The following DCP2 variants were observed in gnomAD, a reference collection of about 807,000 sequenced individuals.
The protein encoded by DCP2 is decapping mRNA 2, also known as m7GpppN-mRNA hydrolase.
In DCP2, 30 loss-of-function variants were observed where a neutral mutation model predicts 56.1. The ratio of observed to expected loss-of-function variants is 0.53; its 90% CI spans 0.40 to 0.73. The LOEUF is 0.73. DCP2 is among the 30% of genes least tolerant of loss of function. The pLI is 0.00. For missense variants in DCP2, 533 were observed against 502.7 expected, an observed-to-expected ratio of 1.06 and a Z score of -0.58; for synonymous variants, 197 against 163.3, an observed-to-expected ratio of 1.21 and a Z score of -1.57.
intron 2 of DCP2, among the ~76,000 whole-genome samples, chr5:112,991,456 A>G (rs188173032): frequency 6.6e-6 from 1 of 152,292 alleles, no homozygotes; most frequent in Admixed American, 6.5e-5. Flanking sequence ...AGGCATGCCT[A>G]GTTTCTTTGA....
chr5:113,007,031 G>T (rs1345541430), intron 8 of DCP2, among the ~76,000 whole-genome samples: 1 of 152,022 alleles, frequency 6.6e-6, no homozygotes, highest in African/African-American at 2.4e-5. Flanking sequence ...CTAGCTGCTT[G>T]GGAGGCTGAG....
At chr5:112,997,588 G>A (rs1224386819) in intron 4 of DCP2, among the ~76,000 whole-genome samples, 1 of 151,678 alleles carries the variant, frequency 6.6e-6, no homozygotes, top group Non-Finnish European at 1.5e-5. Flanking sequence ...CTGCTCTTTG[G>A]GTTACACTTT....
chr5:112,994,389 C>G (rs983689931), intron 4 of DCP2, among the ~76,000 whole-genome samples: 2 of 151,182 alleles, frequency 1.3e-5, no homozygotes, highest in Non-Finnish European at 2.9e-5. Context: ...CCGGGCTGGT[C>G]TTGAACTTCT....
intron 1 of DCP2, among the ~76,000 whole-genome samples, chr5:112,983,091 A>G (rs1748085903): frequency 6.6e-6 from 1 of 152,234 alleles, no homozygotes; most frequent in African/African-American, 2.4e-5. Context: ...ATGCCATCAC[A>G]CAGACTGCCA....
At chr5:113,009,054 C>T (rs1749567403) in intron 9 of DCP2, among the ~76,000 whole-genome samples, 1 of 152,174 alleles carries the variant, frequency 6.6e-6, no homozygotes, top group East Asian at 1.9e-4. Flanking sequence ...ACCATGTTGG[C>T]CAGGATGGTC....
intron 2 of DCP2, among the ~76,000 whole-genome samples, chr5:112,986,611 T>C (rs1311414697): frequency 6.6e-6 from 1 of 152,112 alleles, no homozygotes; most frequent in Non-Finnish European, 1.5e-5. Context: ...GTGCTGGGAT[T>C]AGAGGTGTGA....
rs1457620045 is a variant in DCP2, at chr5:113,007,984, C to T, written c.989C>T (p.Pro330Leu). Reference protein sequence around the residue: ...GNGRKQYQDSPNQKKRTNGLQ... With the variant: ...GNGRKQYQDSLNQKKRTNGLQ... ...GGCAGAAAACAGTATCAAGATTCAC[C>T]TAATCAAAAGAAAAGAACAAATGGG... Residue 330 changes from proline to leucine, a missense_variant, in exon 9 of 11, where the codon CCT becomes CTT. Around this residue, in one of 3 missense-constraint regions of DCP2, gnomAD observed 392 missense variants for 346.6 expected, o/e 1.13. Coordinates refer to ENST00000389063, the MANE Select transcript of DCP2 (RefSeq NM_152624.6). The T allele has an allele frequency of 8.1e-6, 13 of 1,613,686 alleles. No individual in the cohort carries two copies. The highest frequency in any genetic ancestry group is 1.1e-5 in the Non-Finnish European group (13 of 1,179,824).
Position 113,012,750 on chromosome 5 carries a change from T to A in DCP2, c.1100-571T>A, listed in dbSNP as rs144257376. 4.1e-3 allele frequency among the ~76,000 whole-genome samples: 621 copies of A among 152,318 alleles called. 4 individuals are homozygous for A. Among genetic ancestry groups the A allele is most frequent in the African/African-American group, 0.014 (588 of 41,576 alleles). On this transcript the variant is annotated intron_variant, in intron 10 of 10. Coordinates refer to ENST00000389063, the MANE Select transcript of DCP2 (RefSeq NM_152624.6). ...CCTCCGCCTCCTGGGTACAAGTCAT[T>A]CTCCTGCCTCAGCCTTCTGAGTAGC...
chr5:112,978,334 G>T (rs751612054), intron 1 of DCP2, among the ~76,000 whole-genome samples: 4 of 152,150 alleles, frequency 2.6e-5, no homozygotes, highest in African/African-American at 9.7e-5. Flanking sequence ...TTAATCCTCA[G>T]TCAGCCGTGT....
chr5:113,003,348 C>G (rs1013915163), intron 7 of DCP2, among the ~76,000 whole-genome samples: 2 of 152,162 alleles, frequency 1.3e-5, no homozygotes, highest in Non-Finnish European at 2.9e-5. Context: ...TAATTTTATA[C>G]TTTAGAGGGT....
intron 10 of DCP2, among the ~76,000 whole-genome samples, chr5:113,012,268 A>G (rs1368434194): frequency 6.6e-6 from 1 of 152,170 alleles, no homozygotes; most frequent in East Asian, 1.9e-4. Context: ...GCTGAGGCAA[A>G]AAGGTCACTT....
rs979854801 is a variant in DCP2 at position 113,020,911 on chromosome 5, ATTGT to A, written c.*7432_*7435del. On this transcript the variant is annotated 3_prime_UTR_variant, in exon 11 of 11. Transcript: ENST00000389063. The stretch of plus-strand genomic sequence containing the variant: ...TTCTGTAAAAACATCATTGTGTTAG[ATTGT>A]TTGTAATGTACTATCAATAAAATTG... The A allele has an allele frequency of 3.3e-5, 5 of 152,298 alleles. No homozygotes were observed. The highest frequency in any genetic ancestry group is 1.9e-4 in the East Asian group (1 of 5,186). The allele number at this position is 152,298 out of a possible 1,614,324, so 9.4% of individuals were successfully genotyped here.
intron 8 of DCP2, among the ~76,000 whole-genome samples, chr5:113,007,431 C>T (rs1231726704): frequency 6.7e-6 from 1 of 148,798 alleles, no homozygotes; most frequent in African/African-American, 2.5e-5. Context: ...GAGATAGTCT[C>T]CCTCTGTTGC....
intron 4 of DCP2, among the ~76,000 whole-genome samples, chr5:113,000,864 C>G (rs530156475): frequency 1.2e-4 from 18 of 152,326 alleles, no homozygotes; most frequent in African/African-American, 4.1e-4. Context: ...TGGACTGGTT[C>G]TCTATATACC....
In DCP2 at chr5:113,017,541, G is replaced by C. The variant is rs1346380695; in HGVS notation, c.*4057G>C. ...TTCCTAGAATTGAGTTGCTCTTGAA[G>C]TCTGTACTCCTGTGTCAGAAAGATG... is the stretch of plus-strand genomic sequence containing the variant. On this transcript the variant is annotated 3_prime_UTR_variant, in exon 11 of 11. Coordinates refer to ENST00000389063, the MANE Select transcript of DCP2 (RefSeq NM_152624.6). The C allele has an allele frequency of 6.6e-6, 1 of 152,158 alleles. No individual in the cohort carries two copies. Among genetic ancestry groups the C allele is most frequent in the Non-Finnish European group, 1.5e-5 (1 of 68,040 alleles). The allele number at this position is 152,158 out of a possible 1,614,324, so 9.4% of individuals were successfully genotyped here. A position where few individuals can be genotyped will look rare whatever the true frequency, so the allele number is the denominator to read the frequency against.
At chr5:113,013,246 A>G in intron 10 of DCP2, 75 bp from the exon 11 acceptor site, 1 of 1,469,708 alleles carries the variant, frequency 6.8e-7, no homozygotes, top group Non-Finnish European at 9.2e-7. Flanking sequence ...TTGTTTTGTA[A>G]CAAAAGGCAA....
Position 112,985,990 on chromosome 5 carries a change from T to A in DCP2, c.205+4T>A. 6.6e-7 allele frequency: 1 copy of A among 1,522,570 alleles called. No homozygotes were observed. The highest frequency in any genetic ancestry group is 9.0e-7 in the Non-Finnish European group (1 of 1,115,148). 94.3% of individuals were successfully genotyped at this position (1,522,570 alleles called of 1,614,324 possible). A position where few individuals can be genotyped will look rare whatever the true frequency, so the allele number is the denominator to read the frequency against. ...ATAAGAGACTTTGCTAAAGCTGATA[T>A]CCTTTTTATTACTATAATGACTGAC... On this transcript the variant is annotated splice_donor_region_variant and intron_variant, in intron 2 of 10. Coordinates refer to ENST00000389063, the MANE Select transcript of DCP2 (RefSeq NM_152624.6).
intron 2 of DCP2, among the ~76,000 whole-genome samples, chr5:112,988,071 A>G (rs1748383389): frequency 6.6e-6 from 1 of 152,186 alleles, no homozygotes. Context: ...CTCATGAAGT[A>G]TGGAATCCTT....
intron 4 of DCP2, among the ~76,000 whole-genome samples, chr5:112,999,782 C>T (rs1749053204): frequency 6.6e-6 from 1 of 151,576 alleles, no homozygotes; most frequent in Non-Finnish European, 1.5e-5. Flanking sequence ...GGCGTGCGGC[C>T]GGGCATGGTG....
Sources: gnomAD v4.1 joint callset for allele counts (sites outside exome capture counted in the v4.1 genomes callset) on GRCh38, gnomAD v4.1.1 for gene constraint, gnomAD v4.1.1 regional missense constraint, MANE v1.5 for transcripts, NCBI Gene and HGNC (gene_info 2026-07-23, HGNC 2026-07-21) for gene names.